The following EDA variants were observed in gnomAD, a reference collection of about 807,000 sequenced individuals.
The protein encoded by EDA is ectodysplasin A, also known as ectodysplasin-A.
A neutral mutation model predicts 23.6 loss-of-function variants in EDA; 2 were observed. The observed-to-expected ratio is 0.08, with a 90% CI of 0.03 to 0.27. EDA has a LOEUF of 0.27. Among genes scored for constraint, EDA ranks in the 10% least tolerant of loss-of-function variants. EDA has a pLI of 1.00. For synonymous variants in EDA, 131 were observed against 132.0 expected (o/e 0.99, Z 0.05); for missense variants, 229 against 324.2 (o/e 0.71, Z 2.26).
At chrX:69,710,053 A>G (rs2011915886) in intron 1 of EDA, among the ~76,000 whole-genome samples, 1 of 111,639 alleles carries the variant, frequency 9.0e-6, no homozygotes, top group African/African-American at 3.3e-5. Flanking sequence ...TTGGTGTTTT[A>G]TACTTGAAGT....
chrX:69,817,902 T>C (rs957147623), intron 1 of EDA, among the ~76,000 whole-genome samples: 3 of 111,655 alleles, frequency 2.7e-5, no homozygotes, highest in African/African-American at 9.8e-5. Context: ...ACTCTCCACC[T>C]CAAAACAACA....
intron 1 of EDA, among the ~76,000 whole-genome samples, chrX:69,712,152 A>G (rs1480617154): frequency 9.1e-6 from 1 of 109,754 alleles, no homozygotes; most frequent in East Asian, 2.8e-4. Flanking sequence ...ATTTCCCTCT[A>G]CACACTGCTT....
chrX:70,000,555 A>G (rs2019726294), intron 2 of EDA, among the ~76,000 whole-genome samples: 1 of 112,431 alleles, frequency 8.9e-6, no homozygotes, highest in Non-Finnish European at 1.9e-5. Flanking sequence ...GTGAACACCA[A>G]TTTATATTGG....
At chrX:69,626,274 T>TA (rs1932381718) in intron 1 of EDA, among the ~76,000 whole-genome samples, 1 of 111,738 alleles carries the variant, frequency 8.9e-6, no homozygotes, top group South Asian at 3.7e-4. Flanking sequence ...AACATAGAAT[T>TA]ACAATATGAC....
chrX:70,035,449 G>A lies in EDA; in HGVS notation c.1016G>A (p.Gly339Asp). ...CAGTGCACACGCAGCATCGAGACGG[G>A]CAAGACCAACTACAACACTTGCTAT... ...FLQCTRSIET[G>D]KTNYNTCYTA... The change falls in exon 8 of 8, where the codon GGC (glycine) becomes GAC (aspartate). Residue 339 changes from glycine to aspartate, a missense_variant. Coordinates refer to ENST00000374552, the MANE Select transcript of EDA (RefSeq NM_001399.5). 8.3e-7 allele frequency: 1 copy of A among 1,210,680 alleles called. No homozygotes were observed. The highest frequency in any genetic ancestry group is 1.1e-6 in the Non-Finnish European group (1 of 895,300).
chrX:69,772,431 T>G (rs2014664219), intron 1 of EDA, among the ~76,000 whole-genome samples: 1 of 112,491 alleles, frequency 8.9e-6, no homozygotes, highest in African/African-American at 3.2e-5. Context: ...ATTTGTTAAA[T>G]TTTTATTAAG....
chrX:69,841,841 G>A (rs2016901322), intron 1 of EDA, among the ~76,000 whole-genome samples: 1 of 112,318 alleles, frequency 8.9e-6, no homozygotes, highest in African/African-American at 3.2e-5. Flanking sequence ...AGAACTCTTA[G>A]TAACAGGGAA....
At chrX:70,029,347 G>C (rs1219636992) in intron 4 of EDA, among the ~76,000 whole-genome samples, 157 bp from the exon 5 acceptor site, 1 of 112,409 alleles carries the variant, frequency 8.9e-6, no homozygotes, top group Non-Finnish European at 1.9e-5. Flanking sequence ...AAACAGAAGG[G>C]GTGCACTCTG....
At chrX:69,999,662 A>G (rs1266849248) in intron 2 of EDA, among the ~76,000 whole-genome samples, 4 of 109,345 alleles carry the variant, frequency 3.7e-5, no homozygotes, top group Non-Finnish European at 7.6e-5. Context: ...AGAAAATGGG[A>G]GTTAGGCCCA....
chrX:69,836,698 C>T (rs888079926), intron 1 of EDA, among the ~76,000 whole-genome samples: 1 of 112,482 alleles, frequency 8.9e-6, no homozygotes, highest in African/African-American at 3.2e-5. Flanking sequence ...CCAGTTGAGG[C>T]GATGCCATGC....
At chrX:69,960,368 G>T (rs1248427521) in intron 2 of EDA, among the ~76,000 whole-genome samples, 1 of 111,287 alleles carries the variant, frequency 9.0e-6, no homozygotes, top group Non-Finnish European at 1.9e-5. Flanking sequence ...TTGGACTTCA[G>T]GAACTAAACA....
intron 1 of EDA, chrX:69,620,508 GAGCACAATGAA>G: frequency 6.9e-6 from 1 of 143,987 alleles, no homozygotes. Flanking sequence ...GATTCAAGGT[GAGCACAATGAA>G]TAAATCCAAG....
chrX:69,717,619 A>G (rs1474663230), intron 1 of EDA, among the ~76,000 whole-genome samples: 1 of 106,580 alleles, frequency 9.4e-6, no homozygotes, highest in African/African-American at 3.4e-5. Context: ...TCCCAGGTTC[A>G]CACCATTCTC....
intron 1 of EDA, among the ~76,000 whole-genome samples, chrX:69,639,580 A>G (rs1042516644): frequency 2.7e-5 from 3 of 111,875 alleles, no homozygotes; most frequent in Non-Finnish European, 5.6e-5. Flanking sequence ...AATGTCCATT[A>G]AAGTCCTTTG....
At chrX:69,617,869 C>T (rs1219803395) in intron 1 of EDA, 2 of 243,107 alleles carry the variant, frequency 8.2e-6, no homozygotes, top group Non-Finnish European at 1.5e-5. Context: ...TAAAGTGGTA[C>T]GCTTGATAGA....
intron 1 of EDA, among the ~76,000 whole-genome samples, chrX:69,831,958 C>T (rs778679562): frequency 6.7e-4 from 74 of 110,908 alleles, no homozygotes; most frequent in African/African-American, 2.1e-3. Flanking sequence ...GATGGGTAGA[C>T]GGCAAAAATT....
At chrX:70,010,136 G>A (rs745933871) in intron 2 of EDA, among the ~76,000 whole-genome samples, 1 of 111,804 alleles carries the variant, frequency 8.9e-6, no homozygotes, top group Non-Finnish European at 1.9e-5. Flanking sequence ...CTAGTTGATT[G>A]ATGGTACTAT....
intron 1 of EDA, among the ~76,000 whole-genome samples, chrX:69,730,471 G>A (rs773038910): frequency 8.9e-6 from 1 of 112,094 alleles, no homozygotes; most frequent in South Asian, 3.7e-4. Flanking sequence ...GGGACAGTAA[G>A]CATGTTGTCT....
At chrX:69,875,029 A>G (rs1418512667) in intron 1 of EDA, among the ~76,000 whole-genome samples, 3 of 112,390 alleles carry the variant, frequency 2.7e-5, no homozygotes, top group Non-Finnish European at 5.6e-5. Flanking sequence ...ATGGATGGGT[A>G]GAATTAATAT....
Sources: allele counts gnomAD v4.1 joint callset (sites outside exome capture counted in the v4.1 genomes callset), GRCh38; gene constraint gnomAD v4.1.1; transcripts MANE v1.5; gene names NCBI Gene and HGNC (gene_info 2026-07-23, HGNC 2026-07-21).